Variants in SH3RF3 observed in about 807,000 individuals in gnomAD.
SH3RF3 encodes SH3 domain containing ring finger 3.
SH3RF3 carries 29 observed loss-of-function variants against 66.3 expected under a neutral mutation model. The ratio of observed to expected loss-of-function variants is 0.44; its 90% CI spans 0.33 to 0.60. The LOEUF is 0.60. Ranked by LOEUF, SH3RF3 falls within the 20% of genes least tolerant of loss-of-function variation. SH3RF3 has a pLI of 0.04. For missense variants in SH3RF3, 1,194 were observed against 1,190.9 expected, an observed-to-expected ratio of 1.00 and a Z score of -0.04; for synonymous variants, 583 against 532.0, an observed-to-expected ratio of 1.10 and a Z score of -1.32.
At chr2:109,180,959 TAC>T (rs1558943580) in intron 1 of SH3RF3, among the ~76,000 whole-genome samples, 2 of 152,226 alleles carry the variant, frequency 1.3e-5, no homozygotes, top group Admixed American at 6.5e-5. Context: ...GCAATATGTT[TAC>T]CCTGATGCAA....
At chr2:109,428,947 G>C (rs1376625142) in intron 5 of SH3RF3, among the ~76,000 whole-genome samples, 4 of 152,190 alleles carry the variant, frequency 2.6e-5, no homozygotes, top group African/African-American at 4.8e-5. Flanking sequence ...TGTCTACGAA[G>C]ACTGGCTCGC....
At chr2:109,327,338 T>C (rs1214403325) in intron 1 of SH3RF3, among the ~76,000 whole-genome samples, 2 of 152,194 alleles carry the variant, frequency 1.3e-5, no homozygotes, top group Non-Finnish European at 2.9e-5. Flanking sequence ...CATCTGCACA[T>C]GTTTGTGTCT....
At chr2:109,206,697 T>C (rs1678850024) in intron 1 of SH3RF3, among the ~76,000 whole-genome samples, 1 of 152,006 alleles carries the variant, frequency 6.6e-6, no homozygotes, top group Non-Finnish European at 1.5e-5. Context: ...ATGCTTATAA[T>C]TCCAGCTACT....
intron 8 of SH3RF3, among the ~76,000 whole-genome samples, chr2:109,469,153 G>T (rs1169892990): frequency 1.3e-5 from 2 of 152,156 alleles, no homozygotes; most frequent in Non-Finnish European, 2.9e-5. Flanking sequence ...AAGAATGCGG[G>T]CCCCCTGCAG....
At chr2:109,219,763 TACA>T (rs1458869153) in intron 1 of SH3RF3, among the ~76,000 whole-genome samples, 2 of 152,230 alleles carry the variant, frequency 1.3e-5, no homozygotes, top group South Asian at 2.1e-4. Context: ...CACTGAAAAC[TACA>T]ACATGTTTTT....
chr2:109,139,098 C>T (rs1676879116), intron 1 of SH3RF3, among the ~76,000 whole-genome samples: 1 of 152,174 alleles, frequency 6.6e-6, no homozygotes, highest in Admixed American at 6.5e-5. Flanking sequence ...CACATCTTTA[C>T]TCTTTTATGG....
intron 7 of SH3RF3, among the ~76,000 whole-genome samples, chr2:109,441,579 G>T (rs886379202): frequency 1.3e-5 from 2 of 152,254 alleles, no homozygotes; most frequent in Non-Finnish European, 2.9e-5. Context: ...CCTAATATAC[G>T]TGTAATTGGA....
At chr2:109,165,294 T>C (rs1184302960) in intron 1 of SH3RF3, among the ~76,000 whole-genome samples, 1 of 152,228 alleles carries the variant, frequency 6.6e-6, no homozygotes, top group Non-Finnish European at 1.5e-5. Flanking sequence ...CTGGTGCTAC[T>C]GGCAGGGCCA....
intron 1 of SH3RF3, among the ~76,000 whole-genome samples, chr2:109,170,615 G>A (rs957235536): frequency 3.3e-5 from 5 of 152,112 alleles, no homozygotes; most frequent in East Asian, 1.9e-4. Flanking sequence ...CACCCAAAGC[G>A]CTGGGATTAC....
intron 5 of SH3RF3, among the ~76,000 whole-genome samples, chr2:109,430,531 C>T (rs1677175789): frequency 6.6e-6 from 1 of 152,026 alleles, no homozygotes; most frequent in Non-Finnish European, 1.5e-5. Context: ...CCTCCCTCCT[C>T]CTCCCTCCAT....
At chr2:109,172,378 C>T (rs948081635) in intron 1 of SH3RF3, among the ~76,000 whole-genome samples, 2 of 152,218 alleles carry the variant, frequency 1.3e-5, no homozygotes, top group Non-Finnish European at 2.9e-5. Flanking sequence ...GGAGCTCAGC[C>T]GTCCTCTCCC....
chr2:109,396,884 G>C (rs1241291941), intron 3 of SH3RF3, among the ~76,000 whole-genome samples: 2 of 152,230 alleles, frequency 1.3e-5, no homozygotes, highest in Non-Finnish European at 2.9e-5. Flanking sequence ...GCCTGCTGTG[G>C]TTCCCACCTT....
chr2:109,203,697 C>G (rs542326724), intron 1 of SH3RF3, among the ~76,000 whole-genome samples: 65 of 152,322 alleles, frequency 4.3e-4, no homozygotes, highest in African/African-American at 1.5e-3. Flanking sequence ...ACTTCCACCC[C>G]CTGGGCCTGG....
chr2:109,335,269 C>T (rs1023435199), intron 1 of SH3RF3, among the ~76,000 whole-genome samples: 4 of 152,220 alleles, frequency 2.6e-5, no homozygotes, highest in Admixed American at 6.5e-5. Flanking sequence ...CACACGAGAA[C>T]GGCTCTTTCT....
chr2:109,425,115 A>G (rs1050198277), intron 5 of SH3RF3, among the ~76,000 whole-genome samples: 1 of 152,350 alleles, frequency 6.6e-6, no homozygotes, highest in South Asian at 2.1e-4. Flanking sequence ...GATCAAACCA[A>G]CTGCAACATT....
At chr2:109,459,037 C>A (rs568676517) in intron 8 of SH3RF3, among the ~76,000 whole-genome samples, 1 of 152,130 alleles carries the variant, frequency 6.6e-6, no homozygotes, top group Non-Finnish European at 1.5e-5. Context: ...TAATATGATA[C>A]AACAAGCCTG....
intron 3 of SH3RF3, among the ~76,000 whole-genome samples, chr2:109,377,096 G>T (rs1024438688): frequency 2.0e-5 from 3 of 152,230 alleles, no homozygotes; most frequent in African/African-American, 7.2e-5. Flanking sequence ...TTTCCCTGGG[G>T]GGAGGTCTAG....
At chr2:109,405,863 G>A (rs1225962630) in intron 4 of SH3RF3, among the ~76,000 whole-genome samples, 1 of 152,260 alleles carries the variant, frequency 6.6e-6, no homozygotes, top group Non-Finnish European at 1.5e-5. Flanking sequence ...CTGGCCCACA[G>A]GTGGGGCTCT....
At position 109,392,957 on chromosome 2, in the gene SH3RF3, G is replaced by T. The variant is rs540965192; in HGVS notation, c.946-5633G>T. On this transcript the variant is annotated intron_variant, in intron 3 of 9. Transcript: ENST00000309415. ...GGAGGGCGAAGGAACCAGTGTCAAAGGGAATCCTTCCCTCTCCACCGCCCC... is the reference window on the plus strand; with the variant it reads ...GGAGGGCGAAGGAACCAGTGTCAAATGGAATCCTTCCCTCTCCACCGCCCC... Among the ~76,000 whole-genome samples the T allele has an allele frequency of 2.0e-5, 3 of 152,334 alleles. No homozygotes were observed. In the East Asian group the frequency reaches 5.8e-4, roughly 29 times the overall value.
Sources: gnomAD v4.1 joint callset for allele counts (sites outside exome capture counted in the v4.1 genomes callset) on GRCh38, gnomAD v4.1.1 for gene constraint, MANE v1.5 for transcripts, NCBI Gene and HGNC (gene_info 2026-07-23, HGNC 2026-07-21) for gene names.